TMEM131: variants seen among roughly 807,000 people sequenced by gnomAD.
TMEM131 encodes the protein transmembrane protein 131.
In TMEM131, 66 loss-of-function variants were observed where a neutral mutation model predicts 211.6. The observed-to-expected ratio is 0.31, with a 90% CI of 0.26 to 0.38. The LOEUF (loss-of-function observed/expected upper bound fraction) is 0.38. TMEM131 is among the 10% of genes least tolerant of loss of function. TMEM131 has a pLI of 1.00. For missense variants in TMEM131, 2,036 were observed against 2,299.3 expected (o/e 0.89, Z 2.34); for synonymous variants, 844 against 841.3 (o/e 1.00, Z -0.06).
At chr2:97,948,814 C>T (rs1054210618) in intron 1 of TMEM131, among the ~76,000 whole-genome samples, 2 of 152,090 alleles carry the variant, frequency 1.3e-5, no homozygotes, top group Non-Finnish European at 2.9e-5. Context: ...CCCGCCACCA[C>T]GCCCGGCTAA....
intron 1 of TMEM131, among the ~76,000 whole-genome samples, chr2:97,943,007 GAAAGAAAAGAAAAGAAAAGAAAAGA>G (rs779189031): frequency 0.073 from 4,518 of 61,634 alleles, 226 homozygotes; most frequent in Non-Finnish European, 0.083. Context: ...AGAAAGAAAA[GAAAGAAAAGAAAAGAAAAGAAAAGA>G]AAAGAAAAGA....
intron 1 of TMEM131, among the ~76,000 whole-genome samples, chr2:97,927,744 A>G (rs1559453573): frequency 1.1e-4 from 17 of 152,138 alleles, no homozygotes. Flanking sequence ...TTACTGTTAT[A>G]TTATGAGAAA....
At chr2:97,867,073 T>C (rs138380452) in intron 4 of TMEM131, among the ~76,000 whole-genome samples, 1 of 152,338 alleles carries the variant, frequency 6.6e-6, no homozygotes, top group Admixed American at 6.5e-5. Flanking sequence ...TTTAAATCCA[T>C]TTAAAATTAC....
At chr2:97,795,393 T>C (rs1559364328) in intron 28 of TMEM131, among the ~76,000 whole-genome samples, 1 of 152,158 alleles carries the variant, frequency 6.6e-6, no homozygotes, top group Non-Finnish European at 1.5e-5. Context: ...TTCATGTCCT[T>C]CTCTCCTTCT....
chr2:97,760,855 A>G lies in TMEM131; in HGVS notation c.4949T>C (p.Leu1650Pro). ...AGTGGGGTTGCCGTTCTTGCCCGGGAGCGAGGCTGCCTTTGTCAACTTGTG... is the reference window on the plus strand; with the variant it reads ...AGTGGGGTTGCCGTTCTTGCCCGGGGGCGAGGCTGCCTTTGTCAACTTGTG... ...SKHKLTKAASLPGKNGNPTFA... is the reference protein window; with the variant it reads ...SKHKLTKAASPPGKNGNPTFA... Residue 1650 changes from leucine to proline, a missense_variant, in exon 37 of 41, where the codon CTC becomes CCC. Physicochemically the swap from Leu to Pro is moderately conservative, Grantham distance 98. Coordinates refer to ENST00000186436, the MANE Select transcript of TMEM131 (RefSeq NM_015348.2). 1 of 1,613,900 alleles carries G rather than the reference A, an allele frequency of 6.2e-7. No individual in the cohort carries two copies. The highest frequency in any genetic ancestry group is 8.5e-7 in the Non-Finnish European group (1 of 1,179,880).
intron 1 of TMEM131, among the ~76,000 whole-genome samples, chr2:97,974,050 AC>A (rs762310641): frequency 1.3e-5 from 2 of 152,242 alleles, no homozygotes; most frequent in Non-Finnish European, 2.9e-5. Flanking sequence ...ATCCATTGAA[AC>A]CAACCTAGAA....
chr2:97,976,593 C>G, intron 1 of TMEM131, among the ~76,000 whole-genome samples: 1 of 152,124 alleles, frequency 6.6e-6, no homozygotes, highest in East Asian at 1.9e-4. Context: ...ACAAATTCAT[C>G]TATAGATTCA....
chr2:97,993,352 G>C (rs1322121572), intron 1 of TMEM131, among the ~76,000 whole-genome samples: 1 of 152,056 alleles, frequency 6.6e-6, no homozygotes, highest in Admixed American at 6.5e-5. Flanking sequence ...GTACCTTTTA[G>C]GACAAATACT....
At position 97,897,493 on chromosome 2, in the gene TMEM131, T is replaced by C. The variant is rs552275182; in HGVS notation, c.291-9373A>G. On this transcript the variant is annotated intron_variant, in intron 3 of 40. Coordinates refer to ENST00000186436, the MANE Select transcript of TMEM131 (RefSeq NM_015348.2). ...ACAGATGCTGAATGTTGTCACAGGC[T>C]TTTTCTACATCTATTCAAATAATTA... is the stretch of plus-strand genomic sequence containing the variant. 5.1e-4 allele frequency among the ~76,000 whole-genome samples: 78 copies of C among 152,260 alleles called. 1 individual carries two copies. Among genetic ancestry groups the C allele is most frequent in the African/African-American group, 1.8e-3 (74 of 41,582 alleles).
At chr2:97,951,104 G>C (rs936177163) in intron 1 of TMEM131, among the ~76,000 whole-genome samples, 1 of 151,990 alleles carries the variant, frequency 6.6e-6, no homozygotes, top group Non-Finnish European at 1.5e-5. Context: ...TGATGGTGCA[G>C]ACTCACATTC....
intron 5 of TMEM131, among the ~76,000 whole-genome samples, chr2:97,847,864 C>T (rs1263373512): frequency 1.3e-5 from 2 of 151,974 alleles, no homozygotes; most frequent in Admixed American, 1.3e-4. Context: ...CTTTTCTGTA[C>T]ATCTTTAAAG....
intron 32 of TMEM131, 113 bp from the exon 33 acceptor site, chr2:97,772,537 C>A (rs751567038): frequency 8.2e-7 from 1 of 1,214,870 alleles, no homozygotes; most frequent in South Asian, 1.5e-5. Context: ...ACATCATATA[C>A]GTAAAAACAA....
intron 11 of TMEM131, among the ~76,000 whole-genome samples, chr2:97,825,665 T>G (rs1682346610): frequency 6.6e-6 from 1 of 152,140 alleles, no homozygotes; most frequent in South Asian, 2.1e-4. Context: ...ACACTTCTCT[T>G]TATACGTCAG....
At chr2:97,793,345 C>G in intron 30 of TMEM131, 50 bp downstream of exon 30, 1 of 1,515,464 alleles carries the variant, frequency 6.6e-7, no homozygotes, top group East Asian at 2.3e-5. Flanking sequence ...GTAATTTTAT[C>G]AGCCAAATCT....
At chr2:97,888,027 T>C in intron 4 of TMEM131, 25 bp downstream of exon 4, 3 of 1,591,340 alleles carry the variant, frequency 1.9e-6, no homozygotes, top group Non-Finnish European at 2.6e-6. Context: ...AATGGGAAAG[T>C]ACAGTCCAAA....
chr2:97,976,414 A>G (rs1679537243), intron 1 of TMEM131, among the ~76,000 whole-genome samples: 1 of 152,148 alleles, frequency 6.6e-6, no homozygotes, highest in Non-Finnish European at 1.5e-5. Flanking sequence ...AAAAAATATC[A>G]TTTATTAATA....
At chr2:97,787,333 A>G (rs1422667406) in intron 31 of TMEM131, among the ~76,000 whole-genome samples, 3 of 152,266 alleles carry the variant, frequency 2.0e-5, no homozygotes, top group Admixed American at 2.0e-4. Flanking sequence ...CAAAAGAACT[A>G]TTTCAGGGAA....
chr2:97,993,826 T>C (rs1680366302), intron 1 of TMEM131, among the ~76,000 whole-genome samples: 1 of 151,982 alleles, frequency 6.6e-6, no homozygotes, highest in Non-Finnish European at 1.5e-5. Context: ...AAACAAAAGG[T>C]TTGTTTACTT....
chr2:97,925,399 T>G (rs1027940371), intron 2 of TMEM131, among the ~76,000 whole-genome samples: 1 of 152,200 alleles, frequency 6.6e-6, no homozygotes, highest in African/African-American at 2.4e-5. Context: ...TCTGTTGAGA[T>G]GCAGATTCCT....
Sources: allele counts gnomAD v4.1 joint callset (sites outside exome capture counted in the v4.1 genomes callset), GRCh38; gene constraint gnomAD v4.1.1; transcripts MANE v1.5; gene names NCBI Gene and HGNC (gene_info 2026-07-23, HGNC 2026-07-21).